OXR1: variants seen among roughly 807,000 people sequenced by gnomAD.
OXR1 encodes oxidation resistance protein 1.
Under a neutral mutation model 104.6 loss-of-function variants are expected in OXR1, and 41 were observed. That is an observed-to-expected ratio of 0.39 (90% CI 0.31 to 0.51). The LOEUF is 0.51. Among genes scored for constraint, OXR1 ranks in the 20% least tolerant of loss-of-function variants. The pLI, the probability that OXR1 is intolerant of heterozygous loss-of-function variation, is 0.77. For missense variants in OXR1, 955 were observed against 1,031.9 expected (o/e 0.93, Z 1.02); for synonymous variants, 348 against 348.4 (o/e 1.00, Z 0.01).
At chr8:106,591,302 G>T (rs1586859981) in intron 3 of OXR1, among the ~76,000 whole-genome samples, 1 of 104,620 alleles carries the variant, frequency 9.6e-6, no homozygotes, top group Middle Eastern at 6.3e-3. Context: ...TGGGGGGAGG[G>T]GGGAGGGGGG....
At chr8:106,417,091 T>G (rs761169052) in intron 2 of OXR1, among the ~76,000 whole-genome samples, 1 of 152,030 alleles carries the variant, frequency 6.6e-6, no homozygotes, top group African/African-American at 2.4e-5. Context: ...TTAATAAATT[T>G]TTTAATGTAT....
chr8:106,629,224 C>A (rs1052516112), intron 3 of OXR1, among the ~76,000 whole-genome samples: 4 of 151,530 alleles, frequency 2.6e-5, no homozygotes, highest in African/African-American at 9.7e-5. Flanking sequence ...TGTGTTAAGT[C>A]TGCTATTCAA....
chr8:106,518,021 T>C (rs1025128432), intron 2 of OXR1, among the ~76,000 whole-genome samples: 10 of 152,144 alleles, frequency 6.6e-5, no homozygotes, highest in African/African-American at 2.4e-4. Context: ...AGATGTCACG[T>C]TGAAGCTATG....
chr8:106,607,157 T>G (rs1228778852), intron 3 of OXR1, among the ~76,000 whole-genome samples: 1 of 152,210 alleles, frequency 6.6e-6, no homozygotes, highest in Non-Finnish European at 1.5e-5. Context: ...CTTGAAGATA[T>G]TTTACTGCTG....
chr8:106,641,390 G>A (rs1173879427), intron 3 of OXR1, among the ~76,000 whole-genome samples: 1 of 152,176 alleles, frequency 6.6e-6, no homozygotes, highest in African/African-American at 2.4e-5. Context: ...AAATGAGATG[G>A]AGAAGCATCA....
At chr8:106,555,804 C>A (rs11780733) in intron 3 of OXR1, among the ~76,000 whole-genome samples, 1 of 149,860 alleles carries the variant, frequency 6.7e-6, no homozygotes, top group Non-Finnish European at 1.5e-5. Context: ...TTAAAACGGC[C>A]CAAATATCCA....
At chr8:106,515,817 T>C (rs1025381135) in intron 2 of OXR1, among the ~76,000 whole-genome samples, 5 of 152,116 alleles carry the variant, frequency 3.3e-5, no homozygotes, top group African/African-American at 1.2e-4. Context: ...ACAGTGTAAA[T>C]CCATGTTTCC....
At chr8:106,559,294 A>G (rs1816506125) in intron 3 of OXR1, among the ~76,000 whole-genome samples, 1 of 152,158 alleles carries the variant, frequency 6.6e-6, no homozygotes, top group African/African-American at 2.4e-5. Flanking sequence ...CCATATTTCT[A>G]ACAACATTCT....
intron 1 of OXR1, among the ~76,000 whole-genome samples, chr8:106,347,629 G>C (rs1207011971): frequency 6.6e-6 from 1 of 152,134 alleles, no homozygotes; most frequent in African/African-American, 2.4e-5. Context: ...TGTTCTTGAG[G>C]AATTAGTAAA....
At chr8:106,603,352 T>C (rs548312600) in intron 3 of OXR1, among the ~76,000 whole-genome samples, 1 of 152,284 alleles carries the variant, frequency 6.6e-6, no homozygotes, top group Non-Finnish European at 1.5e-5. Flanking sequence ...ACATACAGTG[T>C]ATAGTTATTT....
At chr8:106,643,122 G>A (rs962094753) in intron 3 of OXR1, among the ~76,000 whole-genome samples, 6 of 152,146 alleles carry the variant, frequency 3.9e-5, no homozygotes, top group Non-Finnish European at 7.4e-5. Flanking sequence ...TAGGGATACC[G>A]AATGTCACTG....
chr8:106,661,019 A>G (rs1414944424), intron 3 of OXR1, among the ~76,000 whole-genome samples: 1 of 151,742 alleles, frequency 6.6e-6, no homozygotes, highest in Non-Finnish European at 1.5e-5. Flanking sequence ...AAATAAAACA[A>G]AAACAAAAAT....
chr8:106,659,315 G>C (rs1825503763), intron 3 of OXR1, among the ~76,000 whole-genome samples: 1 of 152,056 alleles, frequency 6.6e-6, no homozygotes, highest in Admixed American at 6.5e-5. Flanking sequence ...TATGTGTGTA[G>C]GTATGTAATT....
chr8:106,540,399 T>C (rs1465699560), intron 3 of OXR1, among the ~76,000 whole-genome samples: 1 of 152,228 alleles, frequency 6.6e-6, no homozygotes, highest in African/African-American at 2.4e-5. Flanking sequence ...AACTCTGTCC[T>C]AGAGTGAATC....
chr8:106,387,265 G>T (rs1019053827), intron 2 of OXR1, among the ~76,000 whole-genome samples: 1 of 152,228 alleles, frequency 6.6e-6, no homozygotes, highest in Non-Finnish European at 1.5e-5. Flanking sequence ...ATCAGGGAAT[G>T]CAGGTTTGCA....
At chr8:106,386,182 A>G (rs932205664) in intron 2 of OXR1, among the ~76,000 whole-genome samples, 6 of 152,196 alleles carry the variant, frequency 3.9e-5, no homozygotes, top group African/African-American at 1.4e-4. Flanking sequence ...TAAGCTAGCT[A>G]GATTACATTC....
In OXR1 at chr8:106,679,758, C is replaced by CTT. The variant is rs201152528; in HGVS notation, c.303+479_303+480dup. Reference sequence around the variant, plus strand: ...ACTCCCTTTAGCTCTAAACATTGAGCTTTTTTTTTTTTTTCTGTATTCTTG... The same window carrying CTT: ...ACTCCCTTTAGCTCTAAACATTGAGCTTTTTTTTTTTTTTTTCTGTATTCTTG... On this transcript the variant is annotated intron_variant, in intron 4 of 16. Transcript: ENST00000517566. 1.1e-4 allele frequency among the ~76,000 whole-genome samples: 16 copies of CTT among 144,362 alleles called. No individual in the cohort carries two copies. The East Asian group carries it at 1.2e-3, about 11-fold the overall frequency. The allele number at this position is 144,362 out of a possible 152,430, so 94.7% of individuals were successfully genotyped here. A position where few individuals can be genotyped will look rare whatever the true frequency, so the allele number is the denominator to read the frequency against.
intron 2 of OXR1, among the ~76,000 whole-genome samples, chr8:106,497,279 G>A (rs892089826): frequency 6.6e-6 from 1 of 152,130 alleles, no homozygotes; most frequent in African/African-American, 2.4e-5. Context: ...ACTTAGAAAA[G>A]CCTGAGACCT....
At position 106,283,459 on chromosome 8, in the gene OXR1, T is replaced by A. The variant is rs1282652155; in HGVS notation, c.-139+13092T>A. Among the ~76,000 whole-genome samples, 5 of 152,204 alleles carry A rather than the reference T, an allele frequency of 3.3e-5. No homozygotes were observed. In the South Asian group the frequency reaches 6.2e-4, roughly 19 times the overall value. ...CCAGGCCCATAGATCAGGGATATTT[T>A]TCTAAGTTTTAATGTGGTTCCCTGG... is the stretch of plus-strand genomic sequence containing the variant. On this transcript the variant is annotated intron_variant, in intron 1 of 16. Transcript: ENST00000517566.
Sources: gnomAD v4.1 joint callset for allele counts (sites outside exome capture counted in the v4.1 genomes callset) on GRCh38, gnomAD v4.1.1 for gene constraint, MANE v1.5 for transcripts, NCBI Gene and HGNC (gene_info 2026-07-23, HGNC 2026-07-21) for gene names.